The following PLEKHM3 variants were observed in gnomAD, a reference collection of about 807,000 sequenced individuals.
PLEKHM3 encodes pleckstrin homology domain containing M3.
Under a neutral mutation model 81.8 loss-of-function variants are expected in PLEKHM3, and 45 were observed. The observed-to-expected ratio is 0.55, with a 90% CI of 0.43 to 0.71. PLEKHM3 has a LOEUF of 0.71. Ranked by LOEUF, PLEKHM3 falls within the 30% of genes least tolerant of loss-of-function variation. PLEKHM3 has a pLI of 0.00. For synonymous variants in PLEKHM3, 352 were observed against 356.4 expected (o/e 0.99, Z 0.14); for missense variants, 788 against 924.3 (o/e 0.85, Z 1.91).
Position 207,930,960 on chromosome 2 carries a change from A to C in PLEKHM3, c.1852T>G (p.Cys618Gly). 2 of 1,613,504 alleles carry C rather than the reference A, an allele frequency of 1.2e-6. No individual in the cohort carries two copies. Among genetic ancestry groups the C allele is most frequent in the Non-Finnish European group, 1.7e-6 (2 of 1,179,476 alleles). ...LKSLRAYLFS[C>G]RAAVAEDLRR... The stretch of plus-strand genomic sequence containing the variant: ...AGATCCTCTGCCACCGCTGCCCGGC[A>C]GCTGAACAAATAGGCTCGGAGCGAC... The change falls in exon 5 of 8, where the codon TGC becomes GGC. Residue 618 changes from cysteine (C) to glycine (G), a missense_variant. By Grantham distance (159) the Cys-to-Gly change is radical. Transcript: ENST00000427836.
intron 1 of PLEKHM3, among the ~76,000 whole-genome samples, chr2:208,021,778 T>C (rs1346053863): frequency 2.0e-5 from 3 of 152,232 alleles, no homozygotes; most frequent in African/African-American, 7.2e-5. Flanking sequence ...ATGTAGATTT[T>C]GTTTTTTTAA....
chr2:207,881,588 CA>C (rs1033823446), intron 6 of PLEKHM3, among the ~76,000 whole-genome samples: 1 of 152,180 alleles, frequency 6.6e-6, no homozygotes, highest in Non-Finnish European at 1.5e-5. Context: ...GTGTGCTTCC[CA>C]AATTCTCTGT....
At chr2:207,841,233 G>A (rs1185311301) in intron 7 of PLEKHM3, among the ~76,000 whole-genome samples, 2 of 150,882 alleles carry the variant, frequency 1.3e-5, no homozygotes, top group Non-Finnish European at 3.0e-5. Context: ...TTGGGAGGCC[G>A]AGGTGGGCAG....
At chr2:207,968,377 A>G (rs1690995418) in intron 3 of PLEKHM3, among the ~76,000 whole-genome samples, 1 of 151,308 alleles carries the variant, frequency 6.6e-6, no homozygotes, top group Non-Finnish European at 1.5e-5. Context: ...CAAAGTTTAA[A>G]GTGGGGTTGG....
At chr2:207,962,944 C>T (rs781614261) in intron 3 of PLEKHM3, among the ~76,000 whole-genome samples, 7 of 128,584 alleles carry the variant, frequency 5.4e-5, no homozygotes, top group Admixed American at 3.2e-4. Context: ...AAAAAAAAGA[C>T]GTGCCCGGAA....
intron 7 of PLEKHM3, among the ~76,000 whole-genome samples, chr2:207,841,509 T>TATATATATATATA (rs2092354210): frequency 1.9e-5 from 2 of 106,040 alleles, no homozygotes; most frequent in Non-Finnish European, 1.9e-5. Flanking sequence ...ATATATATAT[T>TATATATATATATA]CACCACCATT....
intron 4 of PLEKHM3, among the ~76,000 whole-genome samples, chr2:207,934,166 GT>G (rs1012254469): frequency 2.0e-5 from 3 of 152,080 alleles, no homozygotes; most frequent in African/African-American, 7.2e-5. Flanking sequence ...GTGAGAAAAA[GT>G]TTTTTTGTTA....
At chr2:207,865,382 C>T (rs192421469) in intron 6 of PLEKHM3, among the ~76,000 whole-genome samples, 101 of 152,208 alleles carry the variant, frequency 6.6e-4, no homozygotes, top group African/African-American at 2.3e-3. Flanking sequence ...TCACCACAAT[C>T]GATTTTAGGG....
chr2:207,929,951 A>G lies in PLEKHM3; in HGVS notation c.1886+975T>C, dbSNP rs1003842667. ...TGCTGCTGGTCATTTCTATTAAAACAAAAAAATTAAAAGGTATTTTTAGAG... is the reference window on the plus strand; with the variant it reads ...TGCTGCTGGTCATTTCTATTAAAACGAAAAAATTAAAAGGTATTTTTAGAG... On this transcript the variant is annotated intron_variant, in intron 5 of 7. Coordinates refer to ENST00000427836, the MANE Select transcript of PLEKHM3 (RefSeq NM_001080475.3). The G allele has an allele frequency of 1.0e-5, 7 of 692,252 alleles. No homozygotes were observed. The Admixed American group carries it at 1.4e-4, about 14-fold the overall frequency. 42.9% of individuals were successfully genotyped at this position (692,252 alleles called of 1,614,324 possible). A position where few individuals can be genotyped will look rare whatever the true frequency, so the allele number is the denominator to read the frequency against.
Position 207,825,216 on chromosome 2 carries a change from C to T in PLEKHM3, c.*3103G>A, listed in dbSNP as rs951311506. 6.6e-6 allele frequency: 1 copy of T among 152,142 alleles called. No homozygotes were observed. The highest frequency in any genetic ancestry group is 1.5e-5 in the Non-Finnish European group (1 of 68,038). 9.4% of individuals were successfully genotyped at this position (152,142 alleles called of 1,614,324 possible). A position where few individuals can be genotyped will look rare whatever the true frequency, so the allele number is the denominator to read the frequency against. On this transcript the variant is annotated 3_prime_UTR_variant, in exon 8 of 8. Coordinates refer to ENST00000427836, the MANE Select transcript of PLEKHM3 (RefSeq NM_001080475.3). ...TGAGGTCTATTTTAGGAACTGGCTT[C>T]TTTACTGCGGGGTTAGATGCCAACA...
chr2:207,935,052 A>G (rs927196796), intron 4 of PLEKHM3, among the ~76,000 whole-genome samples: 7 of 152,190 alleles, frequency 4.6e-5, no homozygotes, highest in Admixed American at 2.0e-4. Context: ...AAGGAGGAAA[A>G]TGTATCAGAA....
Position 207,985,351 on chromosome 2 carries a change from T to C in PLEKHM3, c.611-7765A>G, listed in dbSNP as rs970981360. Among the ~76,000 whole-genome samples the C allele has an allele frequency of 3.9e-5, 6 of 152,142 alleles. No individual in the cohort carries two copies. The East Asian group carries it at 1.2e-3, about 30-fold the overall frequency. ...ACAACTGTCCTCCTCTGAACCCTCA[T>C]GGCTCTATGTCTATACCCTTATGAC... On this transcript the variant is annotated intron_variant, in intron 2 of 7. Coordinates refer to ENST00000427836, the MANE Select transcript of PLEKHM3 (RefSeq NM_001080475.3).
Position 208,001,749 on chromosome 2 carries a change from G to A in PLEKHM3, c.-110C>T. 1.3e-6 allele frequency: 2 copies of A among 1,491,960 alleles called. No homozygotes were observed. Among genetic ancestry groups the A allele is most frequent in the Non-Finnish European group, 1.8e-6 (2 of 1,124,876 alleles). The allele number at this position is 1,491,960 out of a possible 1,614,324, so 92.4% of individuals were successfully genotyped here. ...CAGCAATAGAGCTATGGAAACAACT[G>A]GAAGAAACCTTCATTGGGCTCCCTG... On this transcript the variant is annotated 5_prime_UTR_variant, in exon 2 of 8. The change creates a premature stop within an existing upstream ORF in the 5' untranslated region. Transcript: ENST00000427836.
intron 5 of PLEKHM3, among the ~76,000 whole-genome samples, chr2:207,923,905 A>ATATATATATATATTTTT (rs1396762429): frequency 3.5e-5 from 1 of 28,348 alleles, no homozygotes; most frequent in Non-Finnish European, 6.4e-5. Context: ...ATATATATAT[A>ATATATATATATATTTTT]TTTTTTTTTT....
chr2:207,966,341 T>C (rs1321388180), intron 3 of PLEKHM3, among the ~76,000 whole-genome samples: 1 of 152,136 alleles, frequency 6.6e-6, no homozygotes, highest in Non-Finnish European at 1.5e-5. Flanking sequence ...GGCCATCAAG[T>C]TTTCTTAAAT....
rs890676533 is a variant in PLEKHM3, at chr2:207,878,380, G to A, written c.1951-17118C>T. 1.2e-4 allele frequency among the ~76,000 whole-genome samples: 18 copies of A among 152,152 alleles called. No homozygotes were observed. In the East Asian group the frequency reaches 3.1e-3, roughly 26 times the overall value. Reference sequence around the variant, plus strand: ...TCTCACCACTTTGGGAGGCAGAGGCGGGCGAATCACCTGAGGTCAGGAGTT... The same window carrying A: ...TCTCACCACTTTGGGAGGCAGAGGCAGGCGAATCACCTGAGGTCAGGAGTT... On this transcript the variant is annotated intron_variant, in intron 6 of 7. Transcript: ENST00000427836.
At chr2:207,922,790 C>A (rs1689229900) in intron 5 of PLEKHM3, among the ~76,000 whole-genome samples, 2 of 150,460 alleles carry the variant, frequency 1.3e-5, no homozygotes, top group African/African-American at 2.5e-5. Flanking sequence ...CCAGCCTGGG[C>A]AACAGAGAGA....
rs777452178 is a variant in PLEKHM3 at position 208,001,292 on chromosome 2, G to A, written c.348C>T (p.Thr116=). The part of the protein sequence containing the change: ...LSWMEQKEAS[T]FNFFNICQRR... ...GCTGACAGATATTGAAGAAATTAAA[G>A]GTTGATGCTTCCTTTTGTTCCATCC... The change falls in exon 2 of 8, where the codon ACC becomes ACT. Residue 116 remains threonine (T), a synonymous_variant. Coordinates refer to ENST00000427836, the MANE Select transcript of PLEKHM3 (RefSeq NM_001080475.3). 6.2e-7 allele frequency: 1 copy of A among 1,614,182 alleles called. No individual in the cohort carries two copies. The highest frequency in any genetic ancestry group is 2.2e-5 in the East Asian group (1 of 44,882).
At position 208,001,899 on chromosome 2, in the gene PLEKHM3, C is replaced by T; in HGVS notation, c.-260G>A. The T allele has an allele frequency of 2.1e-6, 1 of 472,638 alleles. No individual in the cohort carries two copies. Among genetic ancestry groups the T allele is most frequent in the South Asian group, 3.0e-5 (1 of 32,928 alleles). 29.3% of individuals were successfully genotyped at this position (472,638 alleles called of 1,614,324 possible). On this transcript the variant is annotated 5_prime_UTR_variant, in exon 2 of 8. Coordinates refer to ENST00000427836, the MANE Select transcript of PLEKHM3 (RefSeq NM_001080475.3). ...CCTTTGAGATTATTCTTCAGTGAGA[C>T]CTCTGTGAAGACAACAGCAAGTACT...
Sources: gnomAD v4.1 joint callset for allele counts (sites outside exome capture counted in the v4.1 genomes callset) on GRCh38, gnomAD v4.1.1 for gene constraint, MANE v1.5 for transcripts, NCBI Gene and HGNC (gene_info 2026-07-23, HGNC 2026-07-21) for gene names.